UNC13C: variants seen among roughly 807,000 people sequenced by gnomAD.
The protein encoded by UNC13C is protein unc-13 homolog C.
In UNC13C, 174 loss-of-function variants were observed where a neutral mutation model predicts 245.4. The observed-to-expected ratio is 0.71, with a 90% CI of 0.63 to 0.80. The LOEUF is 0.80. Among genes scored for constraint, UNC13C ranks in the 30% least tolerant of loss-of-function variants. The pLI is 0.00. For synonymous variants in UNC13C, 992 were observed against 895.1 expected (o/e 1.11, Z -1.93); for missense variants, 2,829 against 2,602.9 (o/e 1.09, Z -1.89).
chr15:54,294,124 C>A, intron 11 of UNC13C, 60 bp downstream of exon 11: 1 of 1,345,106 alleles, frequency 7.4e-7, no homozygotes, highest in Non-Finnish European at 9.8e-7. Flanking sequence ...ATACCTGTGG[C>A]ATGTATTACA....
chr15:54,584,378 CCCTCAGTTTATAAATA>C (rs1039451887), intron 30 of UNC13C, among the ~76,000 whole-genome samples: 1 of 152,114 alleles, frequency 6.6e-6, no homozygotes, highest in African/African-American at 2.4e-5. Flanking sequence ...TCATTTTATT[CCCTCAGTTTATAAATA>C]CCTCGAATTC....
chr15:54,394,527 G>A (rs1003769993), intron 18 of UNC13C, among the ~76,000 whole-genome samples: 2 of 150,572 alleles, frequency 1.3e-5, no homozygotes, highest in African/African-American at 2.4e-5. Context: ...GAATAGAGTT[G>A]TGTTTTCTTA....
At chr15:54,338,671 G>A (rs755062595) in intron 17 of UNC13C, among the ~76,000 whole-genome samples, 182 bp downstream of exon 17, 8 of 151,634 alleles carry the variant, frequency 5.3e-5, no homozygotes, top group Non-Finnish European at 7.4e-5. Flanking sequence ...GAACTAATTC[G>A]CTCCTTAAAA....
chr15:54,022,381 C>T lies in UNC13C; in HGVS notation c.2983+6495C>T, dbSNP rs139533226. 1.2e-3 allele frequency among the ~76,000 whole-genome samples: 183 copies of T among 152,116 alleles called. 1 individual carries two copies. The highest frequency in any genetic ancestry group is 4.3e-3 in the African/African-American group (178 of 41,498). ...CTGGAGTACCTTGACGATCATGGCT[C>T]ACTGCAGCCTCAAACTTCAGGGATC... is the stretch of plus-strand genomic sequence containing the variant. On this transcript the variant is annotated intron_variant, in intron 2 of 32. Transcript: ENST00000260323.
chr15:54,256,837 T>G (rs867669536), intron 8 of UNC13C, among the ~76,000 whole-genome samples: 1 of 152,194 alleles, frequency 6.6e-6, no homozygotes, highest in African/African-American at 2.4e-5. Context: ...AAAGGGAATA[T>G]TTGATATTTT....
intron 1 of UNC13C, among the ~76,000 whole-genome samples, chr15:54,006,155 A>G (rs1295083833): frequency 6.6e-6 from 1 of 152,168 alleles, no homozygotes; most frequent in Non-Finnish European, 1.5e-5. Flanking sequence ...TTTGAGATAA[A>G]CCACACAAAA....
chr15:54,116,669 A>T (rs1326181752), intron 2 of UNC13C, among the ~76,000 whole-genome samples: 2 of 152,188 alleles, frequency 1.3e-5, no homozygotes, highest in Admixed American at 6.5e-5. Context: ...GTCTCTATGC[A>T]TTCATCCACT....
chr15:54,478,974 G>C (rs1000898869), intron 19 of UNC13C, among the ~76,000 whole-genome samples: 1 of 152,106 alleles, frequency 6.6e-6, no homozygotes, highest in African/African-American at 2.4e-5. Flanking sequence ...TTCAGGACTT[G>C]CTTTATGAAT....
intron 17 of UNC13C, among the ~76,000 whole-genome samples, chr15:54,356,407 T>C (rs764875897): frequency 2.0e-5 from 3 of 152,132 alleles, no homozygotes; most frequent in Non-Finnish European, 2.9e-5. Flanking sequence ...ACCAAAGATG[T>C]CTTAGTCCTT....
chr15:54,582,114 A>C (rs1023921463), intron 30 of UNC13C, among the ~76,000 whole-genome samples: 17 of 152,160 alleles, frequency 1.1e-4, no homozygotes, highest in Admixed American at 7.2e-4. Context: ...ACGGGAAAGA[A>C]GAAGGCCTTT....
intron 19 of UNC13C, among the ~76,000 whole-genome samples, chr15:54,486,521 T>C (rs999424688): frequency 3.3e-5 from 5 of 151,894 alleles, no homozygotes; most frequent in African/African-American, 1.2e-4. Context: ...AATAAATATA[T>C]GTTGTATAAA....
At chr15:54,047,786 G>A (rs1199039773) in intron 2 of UNC13C, among the ~76,000 whole-genome samples, 1 of 152,030 alleles carries the variant, frequency 6.6e-6, no homozygotes. Flanking sequence ...ACTTTTCGAG[G>A]CATTTCACAA....
Position 54,272,662 on chromosome 15 carries a change from T to C in UNC13C, c.3818+7166T>C, listed in dbSNP as rs534512833. ...CTAATCATTGCCTACATTGTGATTA[T>C]GTCTAGCAGCAGGAAAATAATAATA... On this transcript the variant is annotated intron_variant, in intron 10 of 32. Transcript: ENST00000260323. Among the ~76,000 whole-genome samples, 7 of 152,328 alleles carry C rather than the reference T, an allele frequency of 4.6e-5. No homozygotes were observed. In the South Asian group the frequency reaches 1.2e-3, roughly 27 times the overall value.
chr15:53,885,592 T>C, the UNC13C span, among the ~76,000 whole-genome samples: 1 of 152,184 alleles, frequency 6.6e-6, no homozygotes, highest in Non-Finnish European at 1.5e-5. Flanking sequence ...GGTCTTTGGA[T>C]CTTTATTTCT....
rs560710693 is a variant in UNC13C, at chr15:54,565,698, G to A, written c.5959-2102G>A. On this transcript the variant is annotated intron_variant, in intron 29 of 32. Coordinates refer to ENST00000260323, the MANE Select transcript of UNC13C (RefSeq NM_001080534.3). ...GAGGCAAGACAGATTTATCCGCAAAGCAATATTCAGTTTTATTCCACCCAA... is the reference window on the plus strand; with the variant it reads ...GAGGCAAGACAGATTTATCCGCAAAACAATATTCAGTTTTATTCCACCCAA... Among the ~76,000 whole-genome samples, 13 of 151,992 alleles carry A rather than the reference G, an allele frequency of 8.6e-5. 1 individual carries two copies. In the South Asian group the frequency reaches 2.5e-3, roughly 29 times the overall value.
intron 19 of UNC13C, among the ~76,000 whole-genome samples, chr15:54,450,568 G>A (rs1891115805): frequency 6.6e-6 from 1 of 152,220 alleles, no homozygotes; most frequent in South Asian, 2.1e-4. Flanking sequence ...GACCCTCTGA[G>A]CCAGACGTGG....
intron 24 of UNC13C, among the ~76,000 whole-genome samples, chr15:54,523,058 T>TA (rs1186376261): frequency 2.0e-5 from 3 of 152,212 alleles, no homozygotes; most frequent in African/African-American, 4.8e-5. Context: ...CCAATAATTT[T>TA]AAAAATATGC....
At chr15:54,407,667 T>G (rs924423758) in intron 18 of UNC13C, among the ~76,000 whole-genome samples, 10 of 152,034 alleles carry the variant, frequency 6.6e-5, no homozygotes, top group Non-Finnish European at 1.3e-4. Context: ...GAAAAAAACT[T>G]CTAAAACTGA....
rs551214577 is a variant in UNC13C at position 54,280,670 on chromosome 15, A to G, written c.3819-13225A>G. On this transcript the variant is annotated intron_variant, in intron 10 of 32. Transcript: ENST00000260323. ...AACATATATGTATGTATATACATACATATACATATATACATATATAAACAT... is the reference window on the plus strand; with the variant it reads ...AACATATATGTATGTATATACATACGTATACATATATACATATATAAACAT... Among the ~76,000 whole-genome samples the G allele has an allele frequency of 2.8e-5, 4 of 141,784 alleles. No individual in the cohort carries two copies. In the South Asian group the frequency reaches 7.0e-4, roughly 25 times the overall value. 93.0% of individuals were successfully genotyped at this position (141,784 alleles called of 152,430 possible).
Sources: allele counts gnomAD v4.1 joint callset (sites outside exome capture counted in the v4.1 genomes callset), GRCh38; gene constraint gnomAD v4.1.1; transcripts MANE v1.5; gene names NCBI Gene and HGNC (gene_info 2026-07-23, HGNC 2026-07-21).